Variants in OTOGL observed in about 807,000 individuals in gnomAD.
The protein encoded by OTOGL is otogelin like.
A neutral mutation model predicts 318.5 loss-of-function variants in OTOGL; 285 were observed. The ratio of observed to expected loss-of-function variants is 0.89; its 90% CI spans 0.81 to 0.99. The LOEUF (loss-of-function observed/expected upper bound fraction) is 0.99. Ranked by LOEUF, OTOGL falls within the 50% of genes least tolerant of loss-of-function variation. The pLI is 0.00. For missense variants in OTOGL, 2,899 were observed against 2,845.6 expected (o/e 1.02, Z -0.43); for synonymous variants, 987 against 936.5 (o/e 1.05, Z -0.99).
intron 1 of OTOGL, among the ~76,000 whole-genome samples, chr12:80,128,317 T>C (rs561562139): frequency 6.6e-6 from 1 of 152,216 alleles, no homozygotes; most frequent in Non-Finnish European, 1.5e-5. Context: ...CCAGACCCTG[T>C]TTGCCTGGGT....
intron 20 of OTOGL, 63 bp downstream of exon 20, chr12:80,265,273 T>C: frequency 1.4e-6 from 2 of 1,426,946 alleles, no homozygotes; most frequent in East Asian, 2.4e-5. Context: ...ATGTTTGTAA[T>C]GACTGCTTTT....
chr12:80,118,510 GA>G (rs769674287), intron 1 of OTOGL, among the ~76,000 whole-genome samples: 5 of 152,136 alleles, frequency 3.3e-5, no homozygotes, highest in Admixed American at 6.6e-5. Context: ...ACTTGTAAAT[GA>G]GCTCTAAATT....
chr12:80,103,004 T>A, intron 1 of OTOGL: 1 of 938,860 alleles, frequency 1.1e-6, no homozygotes, highest in Non-Finnish European at 1.7e-6. Context: ...CTTTGTCCAG[T>A]TTTAGCCTAG....
chr12:80,364,360 C>A (rs1354613098), intron 52 of OTOGL, among the ~76,000 whole-genome samples: 1 of 152,086 alleles, frequency 6.6e-6, no homozygotes, highest in South Asian at 2.1e-4. Context: ...TGTGTTTCAA[C>A]CTGAAAAATG....
At chr12:80,225,043 C>G (rs1258573765) in intron 7 of OTOGL, among the ~76,000 whole-genome samples, 2 of 150,522 alleles carry the variant, frequency 1.3e-5, no homozygotes, top group Non-Finnish European at 3.0e-5. Flanking sequence ...TATGTAACCA[C>G]AAAAATCAAA....
At chr12:80,150,867 T>G (rs1872743113) in intron 1 of OTOGL, among the ~76,000 whole-genome samples, 1 of 152,216 alleles carries the variant, frequency 6.6e-6, no homozygotes, top group Non-Finnish European at 1.5e-5. Flanking sequence ...TTTTATTTAC[T>G]TTTAAAAGCA....
At chr12:80,271,422 A>G (rs1418796065) in intron 23 of OTOGL, among the ~76,000 whole-genome samples, 2 of 152,170 alleles carry the variant, frequency 1.3e-5, no homozygotes, top group Non-Finnish European at 2.9e-5. Flanking sequence ...TTAAAAATTG[A>G]TAACATATGC....
chr12:80,278,146 C>T (rs754598766), intron 24 of OTOGL, 22 bp from the exon 25 acceptor site: 1 of 1,497,776 alleles, frequency 6.7e-7, no homozygotes, highest in South Asian at 1.2e-5. Context: ...TACTAAATAG[C>T]ATTTTATTCT....
chr12:80,269,306 C>T (rs983376124), intron 22 of OTOGL, among the ~76,000 whole-genome samples: 1 of 152,096 alleles, frequency 6.6e-6, no homozygotes, highest in Non-Finnish European at 1.5e-5. Context: ...ATCATGTTAT[C>T]TTCTTCAGGG....
intron 1 of OTOGL, among the ~76,000 whole-genome samples, chr12:80,201,376 G>A (rs1876442970): frequency 6.6e-6 from 1 of 152,120 alleles, no homozygotes. Flanking sequence ...AAGGTGTAGG[G>A]GGAGCAGGAC....
At chr12:80,154,437 C>G (rs909855330) in intron 1 of OTOGL, among the ~76,000 whole-genome samples, 5 of 152,138 alleles carry the variant, frequency 3.3e-5, no homozygotes, top group Non-Finnish European at 7.4e-5. Flanking sequence ...TTTCCAGGAG[C>G]CTGCACCAAA....
At chr12:80,112,229 A>G (rs1869884121) in intron 1 of OTOGL, among the ~76,000 whole-genome samples, 1 of 152,054 alleles carries the variant, frequency 6.6e-6, no homozygotes, top group African/African-American at 2.4e-5. Flanking sequence ...CTATTTGAAT[A>G]CCTTTTATTT....
chr12:80,200,489 T>C (rs1876380755), intron 1 of OTOGL, among the ~76,000 whole-genome samples: 1 of 152,244 alleles, frequency 6.6e-6, no homozygotes, highest in Non-Finnish European at 1.5e-5. Flanking sequence ...AATGAATAGA[T>C]ATTTTTCAAT....
intron 9 of OTOGL, among the ~76,000 whole-genome samples, chr12:80,233,388 C>A (rs567273453): frequency 6.6e-6 from 1 of 152,304 alleles, no homozygotes; most frequent in Non-Finnish European, 1.5e-5. Context: ...GTATCCACTG[C>A]TTTAGGAACC....
At chr12:80,171,788 A>G (rs916527246) in intron 1 of OTOGL, among the ~76,000 whole-genome samples, 1 of 152,160 alleles carries the variant, frequency 6.6e-6, no homozygotes, top group African/African-American at 2.4e-5. Flanking sequence ...TAGTCCATGA[A>G]CACTAGATAT....
chr12:80,254,626 G>T, intron 15 of OTOGL, 56 bp downstream of exon 15: 1 of 1,371,096 alleles, frequency 7.3e-7, no homozygotes, highest in Non-Finnish European at 1.0e-6. Context: ...AGACTGGGGA[G>T]AAAGATAGCA....
intron 11 of OTOGL, among the ~76,000 whole-genome samples, chr12:80,243,974 A>T (rs1400628847): frequency 1.3e-5 from 2 of 150,584 alleles, no homozygotes; most frequent in East Asian, 3.9e-4. Context: ...TTCCACCAGT[A>T]CAAACTAGGC....
At chr12:80,195,060 C>T (rs1592535142) in intron 1 of OTOGL, among the ~76,000 whole-genome samples, 1 of 152,282 alleles carries the variant, frequency 6.6e-6, no homozygotes, top group African/African-American at 2.4e-5. Flanking sequence ...CCCTCTCTCC[C>T]TTTTTAATAT....
intron 1 of OTOGL, among the ~76,000 whole-genome samples, chr12:80,150,276 C>G (rs1348299632): frequency 6.6e-6 from 1 of 152,136 alleles, no homozygotes; most frequent in African/African-American, 2.4e-5. Flanking sequence ...ATGTGATATT[C>G]ATTTTGAAAA....
Sources: gnomAD v4.1 joint callset for allele counts (sites outside exome capture counted in the v4.1 genomes callset) on GRCh38, gnomAD v4.1.1 for gene constraint, MANE v1.5 for transcripts, NCBI Gene and HGNC (gene_info 2026-07-23, HGNC 2026-07-21) for gene names.